The following ATAD5 variants were observed in gnomAD, a reference collection of about 807,000 sequenced individuals.
ATAD5 encodes ATPase family AAA domain-containing protein 5.
In ATAD5, 58 loss-of-function variants were observed where a neutral mutation model predicts 176.9. That is an observed-to-expected ratio of 0.33 (90% CI 0.27 to 0.41). ATAD5 has a LOEUF of 0.41. Among genes scored for constraint, ATAD5 ranks in the 10% least tolerant of loss-of-function variants. The probability of loss-of-function intolerance (pLI) is 1.00; values close to 1 mark genes in which losing one functional copy is unlikely to be tolerated. For synonymous variants in ATAD5, 640 were observed against 712.6 expected, an observed-to-expected ratio of 0.90 and a Z score of 1.62; for missense variants, 1,789 against 2,094.1, an observed-to-expected ratio of 0.85 and a Z score of 2.84.
intron 20 of ATAD5, 25 bp downstream of exon 20, chr17:30,892,813 T>G (rs544916494): frequency 6.7e-7 from 1 of 1,490,134 alleles, no homozygotes; most frequent in Admixed American, 2.2e-5. Context: ...TGTTTTGCAA[T>G]GTTGAATTTA....
Position 30,834,994 on chromosome 17 carries a change from A to G in ATAD5, c.913A>G (p.Ile305Val), listed in dbSNP as rs781465044. The part of the protein sequence containing the change: ...TVDEIVKSGY[I>V]SESENSEISQ... ...CGACGAAATAGTCAAAAGTGGTTAT[A>G]TAAGTGAATCAGAAAACTCCGAAAT... The change falls in exon 2 of 23, where the codon ATA (isoleucine) becomes GTA (valine). Residue 305 changes from isoleucine to valine, a missense_variant. Physicochemically the swap from Ile to Val is conservative, Grantham distance 29 (BLOSUM62 3). Coordinates refer to ENST00000321990, the MANE Select transcript of ATAD5 (RefSeq NM_024857.5). 1.2e-6 allele frequency: 2 copies of G among 1,613,952 alleles called. No individual in the cohort carries two copies. Among genetic ancestry groups the G allele is most frequent in the Non-Finnish European group, 1.7e-6 (2 of 1,180,000 alleles).
rs749383962 is a variant in ATAD5, at chr17:30,835,197, T to C, written c.1116T>C (p.Val372=). ...QTVQKRKSNV[V]IQEEELELAV... ...TTCAGAAAAGAAAATCTAATGTTGT[T>C]ATACAGGAGGAAGAATTAGAATTGG... Residue 372 remains valine (V), a synonymous_variant, in exon 2 of 23, where the codon GTT becomes GTC. Coordinates refer to ENST00000321990, the MANE Select transcript of ATAD5 (RefSeq NM_024857.5). 6.2e-7 allele frequency: 1 copy of C among 1,613,958 alleles called. No individual in the cohort carries two copies. Among genetic ancestry groups the C allele is most frequent in the South Asian group, 1.1e-5 (1 of 91,010 alleles).
chr17:30,894,314 G>A (rs767743788), intron 21 of ATAD5, among the ~76,000 whole-genome samples, 164 bp downstream of exon 21: 3 of 152,088 alleles, frequency 2.0e-5, no homozygotes, highest in Non-Finnish European at 4.4e-5. Flanking sequence ...CAGCTTGATC[G>A]CTGGGAAGAG....
intron 6 of ATAD5, among the ~76,000 whole-genome samples, chr17:30,850,831 T>G (rs1280701722): frequency 0.2 from 12,342 of 62,790 alleles, 1,280 homozygotes; most frequent in South Asian, 0.41. Context: ...ATTTATATAT[T>G]TTTATATATA....
chr17:30,835,465 C>T lies in ATAD5; in HGVS notation c.1384C>T (p.Gln462Ter). The T allele has an allele frequency of 6.2e-7, 1 of 1,608,246 alleles. No individual in the cohort carries two copies. The highest frequency in any genetic ancestry group is 8.5e-7 in the Non-Finnish European group (1 of 1,178,442). Residue 462 changes from glutamine (Q) to a stop codon, truncating the protein, a stop_gained, in exon 2 of 23, where the codon CAG (glutamine) becomes TAG (stop). Transcript: ENST00000321990. LOFTEE classifies it high-confidence loss of function. ...AATGGTTTCAAAAAATGGCAATTTA[C>T]AGTTACACACTGATAAAGGAAGTTT... ...IQMVSKNGNLQLHTDKGSFLK... is the reference protein window; with the variant it reads ...IQMVSKNGNL
chr17:30,877,610 C>A, intron 16 of ATAD5, 61 bp downstream of exon 16: 1 of 1,492,108 alleles, frequency 6.7e-7, no homozygotes, highest in Non-Finnish European at 9.1e-7. Context: ...TTAAAGAATA[C>A]TGTATGTTTT....
intron 9 of ATAD5, among the ~76,000 whole-genome samples, chr17:30,859,643 G>A (rs1907494051): frequency 6.6e-6 from 1 of 152,136 alleles, no homozygotes; most frequent in South Asian, 2.1e-4. Flanking sequence ...TTATAGGCAT[G>A]AGCCACCATA....
At chr17:30,874,882 G>GC (rs1282617262) in intron 14 of ATAD5, among the ~76,000 whole-genome samples, 1 of 151,860 alleles carries the variant, frequency 6.6e-6, no homozygotes, top group East Asian at 1.9e-4. Flanking sequence ...GCCTGCCTTG[G>GC]CCCCCCAAAG....
intron 14 of ATAD5, 32 bp from the exon 15 acceptor site, chr17:30,876,342 T>C (rs779662268): frequency 1.7e-5 from 26 of 1,545,530 alleles, no homozygotes; most frequent in Non-Finnish European, 2.0e-5. Flanking sequence ...TTTTAGAATA[T>C]TTATCTTTAA....
intron 18 of ATAD5, among the ~76,000 whole-genome samples, chr17:30,883,369 C>T (rs1448500302): frequency 6.6e-6 from 1 of 152,052 alleles, no homozygotes; most frequent in East Asian, 1.9e-4. Context: ...TCAAGTAATA[C>T]TCCTGCCTCA....
At position 30,877,513 on chromosome 17, in the gene ATAD5, C is replaced by G. The variant is rs764223112; in HGVS notation, c.3882C>G (p.Ser1294Arg). Residue 1294 changes from serine to arginine, a missense_variant, in exon 16 of 23, where the codon AGC becomes AGG. Physicochemically the swap from Ser to Arg is moderately radical, Grantham distance 110 (BLOSUM62 -1). Around this residue, in one of 6 missense-constraint regions of ATAD5, gnomAD observed 194 missense variants for 270.1 expected, o/e 0.72. Transcript: ENST00000321990. Reference protein sequence around the residue: ...NVKDVGAEEPSRKNATSLILF... With the variant: ...NVKDVGAEEPRRKNATSLILF... ...AAGACGTTGGAGCTGAAGAACCCAGCAGAAAAAATGCAACATCTCTTATTC... is the reference window on the plus strand; with the variant it reads ...AAGACGTTGGAGCTGAAGAACCCAGGAGAAAAAATGCAACATCTCTTATTC... 1.9e-6 allele frequency: 3 copies of G among 1,610,832 alleles called. No individual in the cohort carries two copies. The highest frequency in any genetic ancestry group is 8.5e-7 in the Non-Finnish European group (1 of 1,178,988).
At chr17:30,867,316 C>A (rs1473364961) in intron 11 of ATAD5, among the ~76,000 whole-genome samples, 2 of 152,106 alleles carry the variant, frequency 1.3e-5, no homozygotes, top group Non-Finnish European at 2.9e-5. Flanking sequence ...GGGAGGGTCA[C>A]ATGAGTCCAA....
chr17:30,852,548 C>T (rs1907032611), intron 6 of ATAD5, among the ~76,000 whole-genome samples: 1 of 152,128 alleles, frequency 6.6e-6, no homozygotes, highest in Non-Finnish European at 1.5e-5. Context: ...AAACGAATAC[C>T]TAAGACTCGG....
rs192100189 is a variant in ATAD5 at position 30,861,036 on chromosome 17, C to T, written c.3136+424C>T. On this transcript the variant is annotated intron_variant, in intron 10 of 22. Transcript: ENST00000321990. ...GCCAGGCTGGTCTCGAACTCCTGACCGCATTATTCACCCACCTCGGCCTCC... is the reference window on the plus strand; with the variant it reads ...GCCAGGCTGGTCTCGAACTCCTGACTGCATTATTCACCCACCTCGGCCTCC... 7.9e-3 allele frequency among the ~76,000 whole-genome samples: 1,208 copies of T among 152,150 alleles called. 16 individuals carry two copies. Among genetic ancestry groups the T allele is most frequent in the African/African-American group, 0.028 (1,146 of 41,512 alleles).
chr17:30,890,667 T>A (rs1909590011), intron 19 of ATAD5, among the ~76,000 whole-genome samples: 1 of 151,532 alleles, frequency 6.6e-6, no homozygotes, highest in South Asian at 2.1e-4. Flanking sequence ...GTGATCCGCC[T>A]GCCTCAGCCT....
intron 18 of ATAD5, among the ~76,000 whole-genome samples, chr17:30,881,841 G>GAGGC (rs1212018597): frequency 6.6e-6 from 1 of 152,114 alleles, no homozygotes; most frequent in African/African-American, 2.4e-5. Flanking sequence ...TTGAGTATGG[G>GAGGC]AGGCAGAGGT....
At position 30,835,393 on chromosome 17, in the gene ATAD5, G is replaced by A. The variant is rs759686535; in HGVS notation, c.1312G>A (p.Gly438Arg). 9 of 1,609,854 alleles carry A rather than the reference G, an allele frequency of 5.6e-6. No individual in the cohort carries two copies. Among genetic ancestry groups the A allele is most frequent in the Non-Finnish European group, 7.6e-6 (9 of 1,178,962 alleles). ...DLNEKCLYEVGRDDNSKKIME... is the reference protein window; with the variant it reads ...DLNEKCLYEVRRDDNSKKIME... Reference sequence around the variant, plus strand: ...TAATGAAAAATGTCTATATGAAGTAGGAAGAGATGATAATTCTAAAAAAAT... The same window carrying A: ...TAATGAAAAATGTCTATATGAAGTAAGAAGAGATGATAATTCTAAAAAAAT... Residue 438 changes from glycine (G) to arginine (R), a missense_variant, in exon 2 of 23, where the codon GGA becomes AGA. This residue lies in a region of ATAD5 where 696 missense variants were observed against 712.5 expected (regional missense o/e 0.98). Transcript: ENST00000321990.
At chr17:30,865,265 C>T (rs892439312) in intron 10 of ATAD5, among the ~76,000 whole-genome samples, 10 of 151,910 alleles carry the variant, frequency 6.6e-5, no homozygotes, top group South Asian at 6.2e-4. Context: ...CTCCGCCTCC[C>T]GGGTTCACAC....
chr17:30,835,808 A>C lies in ATAD5; in HGVS notation c.1727A>C (p.Gln576Pro), dbSNP rs143213149. The C allele has an allele frequency of 9.4e-5, 152 of 1,612,224 alleles. No individual in the cohort carries two copies. In the African/African-American group the frequency reaches 1.5e-3, roughly 16 times the overall value. The change falls in exon 2 of 23, where the codon CAG becomes CCG. Residue 576 changes from glutamine (Q) to proline (P), a missense_variant. Coordinates refer to ENST00000321990, the MANE Select transcript of ATAD5 (RefSeq NM_024857.5). The part of the protein sequence containing the change: ...SIPVKDIKLT[Q>P]SKAESEASLL... ...CCAGTTAAAGATATTAAGCTTACAC[A>C]GTCTAAAGCTGAATCTGAAGCCAGC...
Sources: gnomAD v4.1 joint callset for allele counts (sites outside exome capture counted in the v4.1 genomes callset) on GRCh38, gnomAD v4.1.1 for gene constraint, gnomAD v4.1.1 regional missense constraint, MANE v1.5 for transcripts, NCBI Gene and HGNC (gene_info 2026-07-23, HGNC 2026-07-21) for gene names.